SDK2: variants seen among roughly 807,000 people sequenced by gnomAD.
The protein encoded by SDK2 is protein sidekick-2.
SDK2 carries 105 observed loss-of-function variants against 253.9 expected under a neutral mutation model. The ratio of observed to expected loss-of-function variants is 0.41; its 90% CI spans 0.35 to 0.49. The LOEUF (loss-of-function observed/expected upper bound fraction) is 0.49, where lower values mean the gene tolerates loss of function less well. SDK2 is among the 20% of genes least tolerant of loss of function. The probability of loss-of-function intolerance (pLI) is 0.06; values close to 1 mark genes in which losing one functional copy is unlikely to be tolerated. For missense variants in SDK2, 2,608 were observed against 3,003.0 expected (o/e 0.87, Z 3.07); for synonymous variants, 1,249 against 1,234.9 (o/e 1.01, Z -0.24).
rs917409719 is a variant in SDK2, at chr17:73,570,883, C to T, written c.65-63286G>A. ...CATGGCTGACCTCACATGCTCTGTGCCCCCTTTAGGGTCTCTGCTCCCCTA... is the reference window on the plus strand; with the variant it reads ...CATGGCTGACCTCACATGCTCTGTGTCCCCTTTAGGGTCTCTGCTCCCCTA... On this transcript the variant is annotated intron_variant, in intron 1 of 44. Transcript: ENST00000392650. The surrounding 1 kb of genome is among the most constrained non-coding windows in gnomAD (Gnocchi z 4.2). Among the ~76,000 whole-genome samples the T allele has an allele frequency of 2.6e-5, 4 of 152,148 alleles. No homozygotes were observed. Among genetic ancestry groups the T allele is most frequent in the Non-Finnish European group, 5.9e-5 (4 of 68,036 alleles).
chr17:73,350,449 G>T, intron 42 of SDK2, 74 bp from the exon 43 acceptor site: 1 of 1,539,404 alleles, frequency 6.5e-7, no homozygotes. Context: ...CCACCTGGCT[G>T]GGTTATCCCC....
At chr17:73,471,648 C>G (rs548161788) in intron 3 of SDK2, among the ~76,000 whole-genome samples, 1 of 152,232 alleles carries the variant, frequency 6.6e-6, no homozygotes, top group Admixed American at 6.5e-5. Context: ...GGGAAGTCTG[C>G]TGAGAAGAGG....
At chr17:73,627,168 GCTTAGAACA>G (rs1240331197) in intron 1 of SDK2, among the ~76,000 whole-genome samples, 1 of 152,146 alleles carries the variant, frequency 6.6e-6, no homozygotes, top group Non-Finnish European at 1.5e-5. Flanking sequence ...CATGTGAGGC[GCTTAGAACA>G]CAGACTGGGA....
chr17:73,564,975 C>A (rs1599683051), intron 1 of SDK2, among the ~76,000 whole-genome samples: 1 of 152,160 alleles, frequency 6.6e-6, no homozygotes. Context: ...GGAGAACAAC[C>A]AAAAGCAGGC....
intron 1 of SDK2, among the ~76,000 whole-genome samples, chr17:73,538,002 G>A (rs1333367489): frequency 6.6e-6 from 1 of 152,198 alleles, no homozygotes; most frequent in Admixed American, 6.5e-5. Context: ...ATCCCTTCAA[G>A]GATGGGTGGT....
intron 1 of SDK2, among the ~76,000 whole-genome samples, chr17:73,638,205 T>C (rs571938263): frequency 5.3e-5 from 8 of 152,170 alleles, no homozygotes; most frequent in Non-Finnish European, 1.2e-4. Context: ...GTGGGCTGTA[T>C]GCCTCCAGTA....
At chr17:73,544,063 T>C (rs1208120015) in intron 1 of SDK2, among the ~76,000 whole-genome samples, 3 of 152,216 alleles carry the variant, frequency 2.0e-5, no homozygotes, top group African/African-American at 7.2e-5. Context: ...ACACAGGAGA[T>C]AGTTTCACGT....
rs554103337 is a variant in SDK2, at chr17:73,426,287, G to A, written c.1584-2195C>T. On this transcript the variant is annotated intron_variant, in intron 12 of 44. Coordinates refer to ENST00000392650, the MANE Select transcript of SDK2 (RefSeq NM_001144952.2). ...TTGCCATGTTGGCCAAGCTGGTCTT[G>A]AACTCCTGACCTCAGGTGATCCGCC... Among the ~76,000 whole-genome samples the A allele has an allele frequency of 1.0e-3, 130 of 126,802 alleles. 1 individual carries two copies. The East Asian group carries it at 0.028, about 27-fold the overall frequency. 83.2% of individuals were successfully genotyped at this position (126,802 alleles called of 152,430 possible).
chr17:73,614,078 C>T (rs943564117), intron 1 of SDK2, among the ~76,000 whole-genome samples: 19 of 152,342 alleles, frequency 1.2e-4, no homozygotes, highest in Non-Finnish European at 1.9e-4. Context: ...GCCTCCCTGC[C>T]GGCCCCTGCC....
intron 1 of SDK2, among the ~76,000 whole-genome samples, chr17:73,610,719 G>A (rs2045962886): frequency 6.6e-6 from 1 of 152,146 alleles, no homozygotes; most frequent in Non-Finnish European, 1.5e-5. Flanking sequence ...TGTGTGTTAG[G>A]TGTGCCCAGG....
At chr17:73,631,670 ACC>A (rs2046272538) in intron 1 of SDK2, among the ~76,000 whole-genome samples, 1 of 152,142 alleles carries the variant, frequency 6.6e-6, no homozygotes, top group South Asian at 2.1e-4. Flanking sequence ...AGGTGCTTGA[ACC>A]TAATCAAGAA....
intron 1 of SDK2, among the ~76,000 whole-genome samples, chr17:73,601,189 T>C (rs1026478534): frequency 4.0e-5 from 6 of 151,826 alleles, no homozygotes; most frequent in African/African-American, 1.5e-4. Context: ...CCAGCTAATT[T>C]TTGTATTTTT....
At position 73,395,086 on chromosome 17, in the gene SDK2, A is replaced by G; in HGVS notation, c.3592+69T>C. ...CACCTTCAGCCTGGCACGCGCTTGGATGACCCTGAGGGCATAGAGACCAAG... is the reference window on the plus strand; with the variant it reads ...CACCTTCAGCCTGGCACGCGCTTGGGTGACCCTGAGGGCATAGAGACCAAG... On this transcript the variant is annotated intron_variant, in intron 25 of 44. Coordinates refer to ENST00000392650, the MANE Select transcript of SDK2 (RefSeq NM_001144952.2). The surrounding 1 kb of genome is among the most constrained non-coding windows in gnomAD (Gnocchi z 4.3). 1 of 1,262,056 alleles carries G rather than the reference A, an allele frequency of 7.9e-7. No individual in the cohort carries two copies. Among genetic ancestry groups the G allele is most frequent in the Non-Finnish European group, 1.1e-6 (1 of 905,716 alleles). The allele number at this position is 1,262,056 out of a possible 1,614,324, so 78.2% of individuals were successfully genotyped here. A position where few individuals can be genotyped will look rare whatever the true frequency, so the allele number is the denominator to read the frequency against.
At position 73,457,242 on chromosome 17, in the gene SDK2, CCTTCCTTCCTT is replaced by C. The variant is rs1567784101; in HGVS notation, c.332-1200_332-1190del. 3.3e-3 allele frequency among the ~76,000 whole-genome samples: 187 copies of C among 56,070 alleles called. 5 individuals are homozygous for C. Among genetic ancestry groups the C allele is most frequent in the African/African-American group, 0.015 (177 of 11,576 alleles). The allele number at this position is 56,070 out of a possible 152,430, so 36.8% of individuals were successfully genotyped here. ...TTTTCTCTTCCTTCCTTCCTTCCTTCCTTCCTTCCTTCCTTCCTTCCTTCCTTCCTTCCTTC... is the reference window on the plus strand; with the variant it reads ...TTTTCTCTTCCTTCCTTCCTTCCTTCCCTTCCTTCCTTCCTTCCTTCCTTC... On this transcript the variant is annotated intron_variant, in intron 3 of 44. Transcript: ENST00000392650.
Position 73,511,108 on chromosome 17 carries a change from A to G in SDK2, c.65-3511T>C, listed in dbSNP as rs541368071. On this transcript the variant is annotated intron_variant, in intron 1 of 44. Coordinates refer to ENST00000392650, the MANE Select transcript of SDK2 (RefSeq NM_001144952.2). The surrounding 1 kb of genome is among the most constrained non-coding windows in gnomAD (Gnocchi z 4.9). ...TCTGCTCTCAGCTTAACAAATGGGC[A>G]CATTCTTACTTCAAAGGCGCATTCA... Among the ~76,000 whole-genome samples, 5 of 152,338 alleles carry G rather than the reference A, an allele frequency of 3.3e-5. No homozygotes were observed. In the South Asian group the frequency reaches 1.0e-3, roughly 32 times the overall value.
rs114483980 is a variant in SDK2, at chr17:73,600,714, G to A, written c.64+43311C>T. 4.5e-3 allele frequency among the ~76,000 whole-genome samples: 681 copies of A among 152,324 alleles called. 7 individuals carry two copies. The highest frequency in any genetic ancestry group is 0.016 in the African/African-American group (646 of 41,576). The stretch of plus-strand genomic sequence containing the variant: ...GCATCAAGTCCCTGTGCAAACCACA[G>A]CCCATCAAGAGGCATTTATTGTTGT... On this transcript the variant is annotated intron_variant, in intron 1 of 44. Coordinates refer to ENST00000392650, the MANE Select transcript of SDK2 (RefSeq NM_001144952.2).
intron 2 of SDK2, among the ~76,000 whole-genome samples, chr17:73,504,976 A>G (rs954906345): frequency 3.9e-5 from 6 of 152,136 alleles, no homozygotes; most frequent in African/African-American, 1.4e-4. Context: ...GCATTCAGGC[A>G]CACCGTTGCC....
intron 12 of SDK2, among the ~76,000 whole-genome samples, chr17:73,424,519 A>G (rs1325028246): frequency 3.3e-5 from 5 of 152,214 alleles, no homozygotes; most frequent in African/African-American, 4.8e-5. Context: ...CATTATATCA[A>G]TGCATCAGTG....
chr17:73,525,179 C>T (rs981516479), intron 1 of SDK2, among the ~76,000 whole-genome samples: 7 of 152,176 alleles, frequency 4.6e-5, no homozygotes, highest in Non-Finnish European at 1.0e-4. Flanking sequence ...AACCATGGGT[C>T]TTGTCCCCAG....
Sources: gnomAD v4.1 joint callset for allele counts (sites outside exome capture counted in the v4.1 genomes callset) on GRCh38, gnomAD v4.1.1 for gene constraint, Gnocchi (gnomAD v3.1) non-coding constraint, MANE v1.5 for transcripts, NCBI Gene and HGNC (gene_info 2026-07-23, HGNC 2026-07-21) for gene names.